The following PDZRN3 variants were observed in gnomAD, a reference collection of about 807,000 sequenced individuals.
The protein encoded by PDZRN3 is PDZ domain containing ring finger 3, also known as E3 ubiquitin-protein ligase PDZRN3.
Under a neutral mutation model 85.7 loss-of-function variants are expected in PDZRN3, and 38 were observed. The ratio of observed to expected loss-of-function variants is 0.44; its 90% CI spans 0.34 to 0.58. The LOEUF (loss-of-function observed/expected upper bound fraction) is 0.58, where lower values mean the gene tolerates loss of function less well. Among genes scored for constraint, PDZRN3 ranks in the 20% least tolerant of loss-of-function variants. The probability of loss-of-function intolerance (pLI) is 0.01; values close to 1 mark genes in which losing one functional copy is unlikely to be tolerated. For synonymous variants in PDZRN3, 759 were observed against 638.0 expected (o/e 1.19, Z -2.86); for missense variants, 1,629 against 1,506.4 (o/e 1.08, Z -1.35).
intron 3 of PDZRN3, among the ~76,000 whole-genome samples, chr3:73,547,278 G>T (rs576064060): frequency 2.6e-5 from 4 of 152,330 alleles, no homozygotes; most frequent in Admixed American, 2.0e-4. Flanking sequence ...GTAGATAGTT[G>T]TTTTCTTTAA....
chr3:73,426,139 C>G (rs1702310599), intron 3 of PDZRN3, among the ~76,000 whole-genome samples: 1 of 151,824 alleles, frequency 6.6e-6, no homozygotes, highest in Non-Finnish European at 1.5e-5. Flanking sequence ...TGGAGTGATT[C>G]AGAGAAAGAA....
chr3:73,558,203 G>GA (rs1701741453), intron 3 of PDZRN3, among the ~76,000 whole-genome samples: 1 of 127,244 alleles, frequency 7.9e-6, no homozygotes, highest in South Asian at 2.8e-4. Context: ...ACCATGGAGG[G>GA]AAAGCTGCTT....
chr3:73,476,237 G>C (rs1345867383), intron 3 of PDZRN3, among the ~76,000 whole-genome samples: 1 of 152,188 alleles, frequency 6.6e-6, no homozygotes, highest in Non-Finnish European at 1.5e-5. Context: ...ACAGGAGCAT[G>C]GCTGGGGAGG....
In PDZRN3 at chr3:73,404,854, C is replaced by T. The variant is rs143668144; in HGVS notation, c.919-459G>A. 4.9e-4 allele frequency among the ~76,000 whole-genome samples: 74 copies of T among 152,296 alleles called. 2 individuals carry two copies. In the East Asian group the frequency reaches 0.013, roughly 27 times the overall value. On this transcript the variant is annotated intron_variant, in intron 3 of 9. Transcript: ENST00000263666. ...TGAAGTTTCCTCTTAATAATCCTTT[C>T]GCTCTTTAAAAAGTCCATTGAAAAT...
At chr3:73,598,583 C>G (rs1272135016) in intron 3 of PDZRN3, among the ~76,000 whole-genome samples, 1 of 152,094 alleles carries the variant, frequency 6.6e-6, no homozygotes, top group African/African-American at 2.4e-5. Flanking sequence ...CCAACAAGCC[C>G]AGGGCAGATG....
chr3:73,408,264 C>T, intron 3 of PDZRN3: 1 of 701,556 alleles, frequency 1.4e-6, no homozygotes, highest in Non-Finnish European at 2.6e-6. Flanking sequence ...TTCTCATCTG[C>T]AAAATAAATA....
chr3:73,575,988 A>G (rs1209939003), intron 3 of PDZRN3, among the ~76,000 whole-genome samples: 1 of 152,172 alleles, frequency 6.6e-6, no homozygotes, highest in Non-Finnish European at 1.5e-5. Context: ...GGGGATGAGG[A>G]AAGGAGGACA....
intron 3 of PDZRN3, among the ~76,000 whole-genome samples, chr3:73,551,726 T>C (rs957708402): frequency 1.3e-5 from 2 of 149,214 alleles, no homozygotes; most frequent in African/African-American, 2.5e-5. Context: ...AAGAAACATA[T>C]AATTATTTCC....
chr3:73,612,499 C>T (rs112420650), intron 1 of PDZRN3, among the ~76,000 whole-genome samples: 1 of 152,054 alleles, frequency 6.6e-6, no homozygotes, highest in South Asian at 2.1e-4. Context: ...TCTATTATAC[C>T]CTGAAAAGTA....
At chr3:73,516,597 A>G (rs913171433) in intron 3 of PDZRN3, among the ~76,000 whole-genome samples, 7 of 152,186 alleles carry the variant, frequency 4.6e-5, no homozygotes, top group Non-Finnish European at 8.8e-5. Context: ...GTTTTTTGCC[A>G]TACATAAGTT....
chr3:73,530,494 T>TA (rs934654709), intron 3 of PDZRN3, among the ~76,000 whole-genome samples: 1 of 152,180 alleles, frequency 6.6e-6, no homozygotes, highest in Non-Finnish European at 1.5e-5. Context: ...AATTTTTTTT[T>TA]AAATCAAAGT....
At chr3:73,569,472 T>G (rs1702011484) in intron 3 of PDZRN3, 2 of 1,106,948 alleles carry the variant, frequency 1.8e-6, no homozygotes, top group Admixed American at 9.5e-5. Context: ...ACTGACAATT[T>G]CCACTGCACA....
At chr3:73,546,163 A>T (rs774091098) in intron 3 of PDZRN3, among the ~76,000 whole-genome samples, 2 of 152,198 alleles carry the variant, frequency 1.3e-5, no homozygotes, top group Non-Finnish European at 1.5e-5. Flanking sequence ...CAATGAATGA[A>T]TAACTCTGGG....
rs185760290 is a variant in PDZRN3, at chr3:73,568,892, T to G, written c.918+33462A>C. 7.2e-5 allele frequency among the ~76,000 whole-genome samples: 11 copies of G among 152,330 alleles called. No individual in the cohort carries two copies. The East Asian group carries it at 1.9e-3, about 27-fold the overall frequency. On this transcript the variant is annotated intron_variant, in intron 3 of 9. Coordinates refer to ENST00000263666, the MANE Select transcript of PDZRN3 (RefSeq NM_015009.3). ...TTATGCTGTAACTGTTTCTATTTGA[T>G]TCACGGAAGCCAGACCTACAGTCTT...
intron 3 of PDZRN3, among the ~76,000 whole-genome samples, chr3:73,426,278 C>T (rs1225016655): frequency 6.6e-6 from 1 of 151,750 alleles, no homozygotes; most frequent in African/African-American, 2.4e-5. Flanking sequence ...GTCCTTATTT[C>T]CTACTGCCAC....
chr3:73,612,775 C>T (rs1026460194), intron 1 of PDZRN3, among the ~76,000 whole-genome samples: 1 of 152,130 alleles, frequency 6.6e-6, no homozygotes, highest in Non-Finnish European at 1.5e-5. Flanking sequence ...GTGATGTTTC[C>T]TCATCCACAG....
chr3:73,459,839 C>T (rs1004173851), intron 3 of PDZRN3, among the ~76,000 whole-genome samples: 4 of 152,258 alleles, frequency 2.6e-5, no homozygotes, highest in African/African-American at 9.6e-5. Context: ...GATGGGGAGC[C>T]TGAGACTCAG....
At chr3:73,388,930 CAAAAAAAAAAAAAA>C (rs10675308) in intron 7 of PDZRN3, among the ~76,000 whole-genome samples, 12 of 67,686 alleles carry the variant, frequency 1.8e-4, no homozygotes, top group African/African-American at 4.2e-4. Flanking sequence ...CTCCAGCAAT[CAAAAAAAAAAAAAA>C]AAAAAAAAAA....
intron 3 of PDZRN3, among the ~76,000 whole-genome samples, chr3:73,583,279 C>T (rs1057038023): frequency 6.6e-6 from 1 of 152,232 alleles, no homozygotes; most frequent in African/African-American, 2.4e-5. Flanking sequence ...CAAACCCACA[C>T]AGCTAGCTTA....
Sources: allele counts gnomAD v4.1 joint callset (sites outside exome capture counted in the v4.1 genomes callset), GRCh38; gene constraint gnomAD v4.1.1; transcripts MANE v1.5; gene names NCBI Gene and HGNC (gene_info 2026-07-23, HGNC 2026-07-21).